The following HECW1 variants were observed in gnomAD, a reference collection of about 807,000 sequenced individuals.
The protein encoded by HECW1 is HECT, C2 and WW domain containing E3 ubiquitin protein ligase 1.
Under a neutral mutation model 182.3 loss-of-function variants are expected in HECW1, and 61 were observed. The observed-to-expected ratio is 0.33, with a 90% CI of 0.27 to 0.41. The LOEUF (loss-of-function observed/expected upper bound fraction) is 0.41. Ranked by LOEUF, HECW1 falls within the 10% of genes least tolerant of loss-of-function variation. The pLI, the probability that HECW1 is intolerant of heterozygous loss-of-function variation, is 1.00. For synonymous variants in HECW1, 859 were observed against 832.6 expected (o/e 1.03, Z -0.55); for missense variants, 1,739 against 2,108.9 (o/e 0.82, Z 3.44).
At chr7:43,139,389 A>C (rs926856643) in intron 2 of HECW1, among the ~76,000 whole-genome samples, 39 of 152,218 alleles carry the variant, frequency 2.6e-4, no homozygotes, top group African/African-American at 9.2e-4. Flanking sequence ...AGAAATGTTC[A>C]AAAGACCCCC....
At chr7:43,454,220 G>C (rs780679708) in intron 12 of HECW1, among the ~76,000 whole-genome samples, 84 of 152,136 alleles carry the variant, frequency 5.5e-4, no homozygotes, top group Non-Finnish European at 1.1e-3. Context: ...ACTCATCTCT[G>C]TGTCCTCAGG....
intron 2 of HECW1, among the ~76,000 whole-genome samples, chr7:43,216,428 G>A (rs1211016424): frequency 1.3e-5 from 2 of 152,116 alleles, no homozygotes; most frequent in East Asian, 3.9e-4. Context: ...ACAGGTGTGT[G>A]CCACCGCATG....
At chr7:43,417,885 A>G (rs1453133879) in intron 8 of HECW1, among the ~76,000 whole-genome samples, 1 of 152,058 alleles carries the variant, frequency 6.6e-6, no homozygotes, top group African/African-American at 2.4e-5. Flanking sequence ...TGGTTTTTGT[A>G]TTAGTTTCCT....
chr7:43,399,496 G>A (rs1466475729), intron 7 of HECW1, among the ~76,000 whole-genome samples: 1 of 152,200 alleles, frequency 6.6e-6, no homozygotes, highest in African/African-American at 2.4e-5. Context: ...GAAACCAAGA[G>A]GAATTGTCAC....
chr7:43,429,380 A>T (rs188476903), intron 8 of HECW1, among the ~76,000 whole-genome samples: 2 of 147,114 alleles, frequency 1.4e-5, no homozygotes, highest in African/African-American at 5.0e-5. Flanking sequence ...ACGTCTCAGC[A>T]GCATGGTCTC....
intron 2 of HECW1, among the ~76,000 whole-genome samples, chr7:43,143,920 G>A (rs887879233): frequency 1.3e-5 from 2 of 152,132 alleles, no homozygotes; most frequent in Non-Finnish European, 2.9e-5. Context: ...TAACCTTCCT[G>A]GTCAAGATTT....
intron 7 of HECW1, among the ~76,000 whole-genome samples, chr7:43,402,719 T>G (rs147418661): frequency 7.2e-5 from 11 of 152,196 alleles, no homozygotes; most frequent in Non-Finnish European, 1.6e-4. Context: ...AGAAAGTAGA[T>G]AATGGAATTG....
At chr7:43,403,846 T>G (rs978309555) in intron 7 of HECW1, among the ~76,000 whole-genome samples, 1 of 152,236 alleles carries the variant, frequency 6.6e-6, no homozygotes, top group African/African-American at 2.4e-5. Context: ...ATTATTTCAA[T>G]TAGTTATTTG....
At chr7:43,547,732 C>T (rs1050226187) in intron 26 of HECW1, among the ~76,000 whole-genome samples, 1 of 152,216 alleles carries the variant, frequency 6.6e-6, no homozygotes, top group African/African-American at 2.4e-5. Flanking sequence ...CTGCAGACCT[C>T]AATCTATGGT....
chr7:43,503,340 G>A (rs2079445138), intron 21 of HECW1, among the ~76,000 whole-genome samples: 1 of 152,194 alleles, frequency 6.6e-6, no homozygotes, highest in African/African-American at 2.4e-5. Flanking sequence ...AGAAGCTGTA[G>A]GACTGCATGA....
rs138583960 is a variant in HECW1, at chr7:43,152,284, C to T, written c.-32+37893C>T. On this transcript the variant is annotated intron_variant, in intron 2 of 29. Coordinates refer to ENST00000395891, the MANE Select transcript of HECW1 (RefSeq NM_015052.5). ...AAATACAAGTGAAAGATAGTACATA[C>T]GTGAGACAGTTATAAGCATTGAAAG... is the stretch of plus-strand genomic sequence containing the variant. 1.2e-4 allele frequency among the ~76,000 whole-genome samples: 19 copies of T among 152,224 alleles called. No individual in the cohort carries two copies. In the East Asian group the frequency reaches 1.9e-3, roughly 15 times the overall value.
At position 43,172,364 on chromosome 7, in the gene HECW1, A is replaced by G. The variant is rs145718183; in HGVS notation, c.-32+57973A>G. On this transcript the variant is annotated intron_variant, in intron 2 of 29. Transcript: ENST00000395891. Reference sequence around the variant, plus strand: ...TTCACTATGGAAAAAATAGAAAAAAATTTTCTATTTTTAGAAAATTTTTAG... The same window carrying G: ...TTCACTATGGAAAAAATAGAAAAAAGTTTTCTATTTTTAGAAAATTTTTAG... Among the ~76,000 whole-genome samples the G allele has an allele frequency of 9.4e-3, 1,432 of 151,778 alleles. 13 individuals carry two copies. The highest frequency in any genetic ancestry group is 0.031 in the African/African-American group (1,263 of 41,400).
chr7:43,325,953 C>G (rs1384148173), intron 5 of HECW1, among the ~76,000 whole-genome samples: 1 of 152,142 alleles, frequency 6.6e-6, no homozygotes, highest in African/African-American at 2.4e-5. Context: ...TGTCTCAGTC[C>G]GTTGAGGCTG....
chr7:43,399,088 A>C (rs771572114), intron 7 of HECW1, among the ~76,000 whole-genome samples: 1 of 152,260 alleles, frequency 6.6e-6, no homozygotes, highest in Non-Finnish European at 1.5e-5. Flanking sequence ...GCCTCCAGCT[A>C]TATGACTCCT....
chr7:43,201,738 G>T (rs777434350), intron 2 of HECW1, among the ~76,000 whole-genome samples: 3 of 152,166 alleles, frequency 2.0e-5, no homozygotes, highest in Non-Finnish European at 4.4e-5. Context: ...AATGACTTAC[G>T]TCCAGAGAAT....
intron 2 of HECW1, among the ~76,000 whole-genome samples, chr7:43,234,177 C>G (rs2152711332): frequency 6.6e-6 from 1 of 152,342 alleles, no homozygotes; most frequent in Middle Eastern, 3.4e-3. Flanking sequence ...TCTCACCACC[C>G]ACACCTCTCC....
chr7:43,271,479 C>T (rs550811328), intron 3 of HECW1, among the ~76,000 whole-genome samples: 1 of 152,238 alleles, frequency 6.6e-6, no homozygotes, highest in South Asian at 2.1e-4. Context: ...TGTCAAAAGG[C>T]TATTAGAACT....
At chr7:43,239,133 G>A (rs1209354632) in intron 2 of HECW1, 1 of 152,194 alleles carries the variant, frequency 6.6e-6, no homozygotes, top group Non-Finnish European at 1.5e-5. Context: ...TTTTTGGCCT[G>A]CTATCCAGTC....
intron 5 of HECW1, among the ~76,000 whole-genome samples, chr7:43,358,091 G>T (rs765779885): frequency 6.6e-6 from 1 of 152,122 alleles, no homozygotes; most frequent in South Asian, 2.1e-4. Context: ...AGTAGTGCCC[G>T]TTTGGGATTC....
Sources: gnomAD v4.1 joint callset for allele counts (sites outside exome capture counted in the v4.1 genomes callset) on GRCh38, gnomAD v4.1.1 for gene constraint, MANE v1.5 for transcripts, NCBI Gene and HGNC (gene_info 2026-07-23, HGNC 2026-07-21) for gene names.